Variants in WDPCP observed in about 807,000 individuals in gnomAD.
The protein encoded by WDPCP is WD repeat-containing and planar cell polarity effector protein fritz homolog.
Under a neutral mutation model 93.1 loss-of-function variants are expected in WDPCP, and 71 were observed. The ratio of observed to expected loss-of-function variants is 0.76; its 90% confidence interval spans 0.63 to 0.93. The LOEUF (loss-of-function observed/expected upper bound fraction) is 0.93, where lower values mean the gene tolerates loss of function less well. WDPCP is among the 40% of genes least tolerant of loss of function. The pLI is 0.00. For synonymous variants in WDPCP, 315 were observed against 315.0 expected, an observed-to-expected ratio of 1.00 and a Z score of 0.00; for missense variants, 844 against 887.4, an observed-to-expected ratio of 0.95 and a Z score of 0.62.
At chr2:63,265,531 A>C (rs1682032869) in intron 13 of WDPCP, among the ~76,000 whole-genome samples, 1 of 152,160 alleles carries the variant, frequency 6.6e-6, no homozygotes. Flanking sequence ...CTGAATAAAT[A>C]ATCAAAAAGA....
At chr2:63,384,487 C>T (rs1692569031) in intron 10 of WDPCP, among the ~76,000 whole-genome samples, 1 of 151,888 alleles carries the variant, frequency 6.6e-6, no homozygotes, top group Non-Finnish European at 1.5e-5. Flanking sequence ...TTAAAAAAAC[C>T]TTTACACATA....
At chr2:63,207,443 C>T (rs72813438) in intron 14 of WDPCP, among the ~76,000 whole-genome samples, 6,642 of 152,228 alleles carry the variant, frequency 0.044, 205 homozygotes, top group Middle Eastern at 0.088. Flanking sequence ...GTACAGCCTG[C>T]GGAACTATGA....
chr2:63,746,120 G>A (rs912902820), intron 2 of WDPCP, among the ~76,000 whole-genome samples: 3 of 152,178 alleles, frequency 2.0e-5, no homozygotes, highest in African/African-American at 7.2e-5. Flanking sequence ...AACATAAATT[G>A]TGAAGATTTC....
At chr2:63,285,732 T>C (rs1437020336) in intron 13 of WDPCP, among the ~76,000 whole-genome samples, 2 of 152,166 alleles carry the variant, frequency 1.3e-5, no homozygotes, top group African/African-American at 2.4e-5. Context: ...GAGCTGAAAG[T>C]AGAAGTAATG....
At chr2:63,543,575 T>C (rs1704907845) in intron 1 of WDPCP, among the ~76,000 whole-genome samples, 2 of 152,006 alleles carry the variant, frequency 1.3e-5, no homozygotes, top group African/African-American at 2.4e-5. Context: ...CATATAATTT[T>C]TTTTTACTTT....
intron 11 of WDPCP, among the ~76,000 whole-genome samples, chr2:63,381,532 A>G (rs899679729): frequency 6.6e-6 from 1 of 152,102 alleles, no homozygotes; most frequent in Non-Finnish European, 1.5e-5. Flanking sequence ...ATCTAATGTG[A>G]GGGAGGAATA....
chr2:63,517,459 AAATGC>A (rs1254302745), intron 1 of WDPCP, among the ~76,000 whole-genome samples: 2 of 152,172 alleles, frequency 1.3e-5, no homozygotes, highest in African/African-American at 4.8e-5. Flanking sequence ...ACCTAGGATA[AAATGC>A]AATAAGTCTA....
intron 2 of WDPCP, among the ~76,000 whole-genome samples, chr2:63,779,427 G>A (rs1046860077): frequency 6.6e-6 from 1 of 152,208 alleles, no homozygotes; most frequent in African/African-American, 2.4e-5. Context: ...TAGGATGTTA[G>A]AGTACTTGGG....
intron 2 of WDPCP, among the ~76,000 whole-genome samples, chr2:63,489,472 C>T (rs1297440568): frequency 6.6e-6 from 1 of 152,002 alleles, no homozygotes; most frequent in Non-Finnish European, 1.5e-5. Flanking sequence ...AATGAGTGCA[C>T]CTAAAGCAGA....
At chr2:63,157,931 C>G (rs1178630083) in intron 15 of WDPCP, among the ~76,000 whole-genome samples, 1 of 151,770 alleles carries the variant, frequency 6.6e-6, no homozygotes, top group Non-Finnish European at 1.5e-5. Context: ...TTCCTTTAGT[C>G]TGTTTAGATG....
chr2:63,606,962 C>T (rs1347870418), intron 3 of WDPCP: 2 of 1,611,866 alleles, frequency 1.2e-6, no homozygotes, highest in Non-Finnish European at 1.7e-6. Flanking sequence ...AAAGAAAGTG[C>T]TTTTGAATTT....
At chr2:63,258,767 A>AT in intron 14 of WDPCP, among the ~76,000 whole-genome samples, 1 of 152,254 alleles carries the variant, frequency 6.6e-6, no homozygotes, top group South Asian at 2.1e-4. Context: ...ATAAACTTTC[A>AT]TTTTTTATGT....
chr2:63,817,862 A>T (rs1445281921), intron 1 of WDPCP, among the ~76,000 whole-genome samples: 1 of 152,224 alleles, frequency 6.6e-6, no homozygotes, highest in African/African-American at 2.4e-5. Context: ...GGTATGAATC[A>T]GAGATGTCTG....
intron 12 of WDPCP, among the ~76,000 whole-genome samples, chr2:63,330,199 C>A (rs1687875658): frequency 6.6e-6 from 1 of 152,122 alleles, no homozygotes; most frequent in African/African-American, 2.4e-5. Flanking sequence ...AGCTTACATT[C>A]CCCCCAAGTG....
chr2:63,366,016 A>C (rs1352319659), intron 12 of WDPCP, among the ~76,000 whole-genome samples: 3 of 152,158 alleles, frequency 2.0e-5, no homozygotes, highest in African/African-American at 7.2e-5. Context: ...TGACTTGTCT[A>C]CTCAAAGGTG....
rs547859655 is a variant in WDPCP, at chr2:63,174,123, C to T, written c.2078+547G>A. 8.9e-4 allele frequency among the ~76,000 whole-genome samples: 136 copies of T among 152,172 alleles called. 3 individuals carry two copies. The South Asian group carries it at 0.028, about 31-fold the overall frequency. On this transcript the variant is annotated intron_variant, in intron 15 of 17. Transcript: ENST00000272321. ...GCCCTTTACACAAAAAGCTTGCTGA[C>T]CCTTGCTTGAGAGAATCATTATCAT...
chr2:63,575,463 A>ATACACTGTATACACTGTATATACAGCG (rs1248571874), intron 1 of WDPCP, among the ~76,000 whole-genome samples: 1 of 29,152 alleles, frequency 3.4e-5, no homozygotes, highest in Admixed American at 4.1e-4. Context: ...TATACAGTAT[A>ATACACTGTATACACTGTATATACAGCG]TATGCAGTAT....
At chr2:63,243,792 A>T (rs945999398) in intron 14 of WDPCP, among the ~76,000 whole-genome samples, 11 of 152,168 alleles carry the variant, frequency 7.2e-5, no homozygotes, top group African/African-American at 2.7e-4. Flanking sequence ...GCACACTGAC[A>T]GCATTAGACA....
chr2:63,158,863 A>G (rs1186034136), intron 15 of WDPCP, among the ~76,000 whole-genome samples: 1 of 149,330 alleles, frequency 6.7e-6, no homozygotes, highest in Non-Finnish European at 1.5e-5. Context: ...GGGGCCAGGC[A>G]TGGTGGCTCA....
Sources: gnomAD v4.1 joint callset for allele counts (sites outside exome capture counted in the v4.1 genomes callset) on GRCh38, gnomAD v4.1.1 for gene constraint, MANE v1.5 for transcripts, NCBI Gene and HGNC (gene_info 2026-07-23, HGNC 2026-07-21) for gene names.